The following CELF5 variants were observed in gnomAD, a reference collection of about 807,000 sequenced individuals.
The protein encoded by CELF5 is CUGBP Elav-like family member 5.
Under a neutral mutation model 54.9 loss-of-function variants are expected in CELF5, and 6 were observed. The ratio of observed to expected loss-of-function variants is 0.11; its 90% CI spans 0.06 to 0.22. CELF5 has a LOEUF of 0.22. Among genes scored for constraint, CELF5 ranks in the 10% least tolerant of loss-of-function variants. The pLI is 1.00. For missense variants in CELF5, 401 were observed against 678.6 expected (o/e 0.59, Z 4.54); for synonymous variants, 271 against 290.9 (o/e 0.93, Z 0.70).
chr19:3,235,680 G>A lies in CELF5; in HGVS notation c.259+10682G>A, dbSNP rs866346359. On this transcript the variant is annotated intron_variant, in intron 1 of 12. Transcript: ENST00000292672. ...TGGATGGATGGATGGATGGATGGAT[G>A]TGTGGATGGGTGGATGGATGGATGG... Among the ~76,000 whole-genome samples, 370 of 128,674 alleles carry A rather than the reference G, an allele frequency of 2.9e-3. 2 individuals are homozygous for A. Among genetic ancestry groups the A allele is most frequent in the African/African-American group, 0.01 (342 of 32,906 alleles). 84.4% of individuals were successfully genotyped at this position (128,674 alleles called of 152,430 possible). A position where few individuals can be genotyped will look rare whatever the true frequency, so the allele number is the denominator to read the frequency against.
intron 2 of CELF5, among the ~76,000 whole-genome samples, chr19:3,257,586 C>G (rs1169288985): frequency 6.6e-6 from 1 of 151,076 alleles, no homozygotes; most frequent in Admixed American, 6.6e-5. Context: ...AGCGATTCTC[C>G]TGCCTCAGCC....
At chr19:3,271,262 G>A (rs1026181347) in intron 2 of CELF5, among the ~76,000 whole-genome samples, 1 of 151,732 alleles carries the variant, frequency 6.6e-6, no homozygotes, top group Non-Finnish European at 1.5e-5. Flanking sequence ...ACCTCCCCTG[G>A]CACCCCCCCG....
At chr19:3,225,971 C>T (rs1315754691) in intron 1 of CELF5, among the ~76,000 whole-genome samples, 1 of 152,170 alleles carries the variant, frequency 6.6e-6, no homozygotes, top group Non-Finnish European at 1.5e-5. Flanking sequence ...ATTCTCCCTC[C>T]GATGGCATCC....
intron 10 of CELF5, among the ~76,000 whole-genome samples, chr19:3,288,461 G>T (rs971980645): frequency 6.6e-6 from 1 of 152,118 alleles, no homozygotes; most frequent in Non-Finnish European, 1.5e-5. Context: ...AGCAGAGGTT[G>T]CGATGAGCCA....
chr19:3,264,715 CT>C (rs199916655), intron 2 of CELF5, among the ~76,000 whole-genome samples: 35,667 of 142,930 alleles, frequency 0.25, 4,461 homozygotes, highest in Middle Eastern at 0.32. Context: ...CACACCCGGC[CT>C]TTTTTTTTTT....
At chr19:3,264,095 C>T (rs553355440) in intron 2 of CELF5, among the ~76,000 whole-genome samples, 1 of 152,190 alleles carries the variant, frequency 6.6e-6, no homozygotes, top group South Asian at 2.1e-4. Flanking sequence ...ATCTGGTTGT[C>T]GGTAACACGC....
chr19:3,251,967 G>A (rs898379962), intron 2 of CELF5, among the ~76,000 whole-genome samples: 2 of 148,856 alleles, frequency 1.3e-5, no homozygotes, highest in Admixed American at 1.3e-4. Context: ...GAGCCACCAG[G>A]CCCGGCCAAC....
chr19:3,265,503 G>A (rs560173808), intron 2 of CELF5, among the ~76,000 whole-genome samples: 3 of 152,146 alleles, frequency 2.0e-5, no homozygotes, highest in Non-Finnish European at 4.4e-5. Context: ...GTACCCACTT[G>A]GTTTTGTTTT....
intron 2 of CELF5, 54 bp downstream of exon 2, chr19:3,251,121 G>C: frequency 1.5e-6 from 2 of 1,344,320 alleles, no homozygotes; most frequent in Non-Finnish European, 2.1e-6. Flanking sequence ...CTCTCAGCCT[G>C]GGGTGGGAGC....
At chr19:3,293,642 G>A in intron 12 of CELF5, 156 bp downstream of exon 12, 1 of 631,734 alleles carries the variant, frequency 1.6e-6, no homozygotes. Context: ...GACAGAGCTG[G>A]ATGTAGACAC....
chr19:3,271,765 TA>T (rs2079969213), intron 2 of CELF5, among the ~76,000 whole-genome samples: 1 of 151,218 alleles, frequency 6.6e-6, no homozygotes, highest in South Asian at 2.1e-4. Context: ...GAGTGCAAAA[TA>T]AGGGGTTGCT....
intron 2 of CELF5, among the ~76,000 whole-genome samples, chr19:3,251,696 A>G (rs1159963451): frequency 9.0e-6 from 1 of 111,704 alleles, no homozygotes; most frequent in Non-Finnish European, 1.7e-5. Context: ...TGTTGTTGAG[A>G]TGGAGTCTCG....
intron 2 of CELF5, among the ~76,000 whole-genome samples, chr19:3,271,149 G>T (rs902802682): frequency 1.3e-5 from 2 of 151,700 alleles, no homozygotes; most frequent in Admixed American, 1.3e-4. Flanking sequence ...ATCTGCCCAA[G>T]GTGCTGGGAG....
intron 8 of CELF5, among the ~76,000 whole-genome samples, chr19:3,283,764 A>G (rs2080189178): frequency 6.6e-6 from 1 of 152,020 alleles, no homozygotes; most frequent in East Asian, 1.9e-4. Context: ...TCACTGTCAA[A>G]CCCAGGAAAC....
At chr19:3,259,044 AG>A (rs1183099567) in intron 2 of CELF5, among the ~76,000 whole-genome samples, 1 of 152,104 alleles carries the variant, frequency 6.6e-6, no homozygotes, top group African/African-American at 2.4e-5. Context: ...GATTTAGTGA[AG>A]GGTGGACAGG....
At position 3,268,571 on chromosome 19, in the gene CELF5, G is replaced by T. The variant is rs1438619804; in HGVS notation, c.343-5301G>T. 1.3e-5 allele frequency among the ~76,000 whole-genome samples: 2 copies of T among 152,090 alleles called. No homozygotes were observed. The highest frequency in any genetic ancestry group is 4.8e-5 in the African/African-American group (2 of 41,404). ...TGCCCGGCATGCTCTTGGCTGATGG[G>T]GATGGAGCCTGGGTTTTGCTTTCCG... is the stretch of plus-strand genomic sequence containing the variant. On this transcript the variant is annotated intron_variant, in intron 2 of 12. Transcript: ENST00000292672. This position sits in a 1 kb window ranked among gnomAD's most constrained non-coding sequence, Gnocchi z 4.4.
chr19:3,241,380 C>T (rs540812470), intron 1 of CELF5, among the ~76,000 whole-genome samples: 2 of 152,206 alleles, frequency 1.3e-5, no homozygotes, highest in Non-Finnish European at 2.9e-5. Context: ...CGCGCCCGGC[C>T]TAAAGATCAG....
In CELF5 at chr19:3,281,388, T is replaced by G; in HGVS notation, c.750+43T>G. On this transcript the variant is annotated intron_variant, in intron 6 of 12. Coordinates refer to ENST00000292672, the MANE Select transcript of CELF5 (RefSeq NM_021938.4). This position sits in a 1 kb window ranked among gnomAD's most constrained non-coding sequence, Gnocchi z 6.5. ...AGCTTCGGGGCTCCGGCTCCGTCTC[T>G]CTCAGTCTCTGTCTACTCTCTGTCG... 1 of 1,571,884 alleles carries G rather than the reference T, an allele frequency of 6.4e-7. No homozygotes were observed. The highest frequency in any genetic ancestry group is 2.3e-5 in the East Asian group (1 of 44,152).
intron 11 of CELF5, among the ~76,000 whole-genome samples, chr19:3,292,731 A>G (rs1386078421): frequency 6.6e-6 from 1 of 152,040 alleles, no homozygotes; most frequent in Non-Finnish European, 1.5e-5. Flanking sequence ...AGGGGAGGGG[A>G]GAGAAACAGA....
Sources: allele counts gnomAD v4.1 joint callset (sites outside exome capture counted in the v4.1 genomes callset), GRCh38; gene constraint gnomAD v4.1.1; non-coding constraint Gnocchi (gnomAD v3.1); transcripts MANE v1.5; gene names NCBI Gene and HGNC (gene_info 2026-07-23, HGNC 2026-07-21).